The following AGAP1 variants were observed in gnomAD, a reference collection of about 807,000 sequenced individuals.
AGAP1 encodes arf-GAP with GTPase, ANK repeat and PH domain-containing protein 1.
Under a neutral mutation model 105.3 loss-of-function variants are expected in AGAP1, and 29 were observed. The observed-to-expected ratio is 0.28, with a 90% CI of 0.21 to 0.38. The LOEUF (loss-of-function observed/expected upper bound fraction) is 0.38. Among genes scored for constraint, AGAP1 ranks in the 10% least tolerant of loss-of-function variants. The pLI, the probability that AGAP1 is intolerant of heterozygous loss-of-function variation, is 1.00. For missense variants in AGAP1, 998 were observed against 1,165.1 expected, an observed-to-expected ratio of 0.86 and a Z score of 2.09; for synonymous variants, 509 against 485.9, an observed-to-expected ratio of 1.05 and a Z score of -0.63.
intron 1 of AGAP1, among the ~76,000 whole-genome samples, chr2:235,579,668 C>G: frequency 6.6e-6 from 1 of 151,578 alleles, no homozygotes; most frequent in East Asian, 1.9e-4. Context: ...CCCAGCTACT[C>G]GGGAGGCTGA....
At chr2:236,024,500 C>T (rs1022561518) in intron 13 of AGAP1, among the ~76,000 whole-genome samples, 2 of 152,176 alleles carry the variant, frequency 1.3e-5, no homozygotes, top group African/African-American at 4.8e-5. Context: ...GCACCCACTT[C>T]TCCCCCATGC....
intron 1 of AGAP1, among the ~76,000 whole-genome samples, chr2:235,706,826 C>T (rs1950559711): frequency 6.6e-6 from 1 of 152,330 alleles, no homozygotes; most frequent in South Asian, 2.1e-4. Flanking sequence ...TTCAGTTTTC[C>T]CTGGACCATT....
Position 235,983,351 on chromosome 2 carries a change from C to T in AGAP1, c.1645+14728C>T, listed in dbSNP as rs889556791. Reference sequence around the variant, plus strand: ...CCTCCTTTTGTTCAGCTCCTCCTCTCCAGCACCAACCTCCCATCACTTTCT... The same window carrying T: ...CCTCCTTTTGTTCAGCTCCTCCTCTTCAGCACCAACCTCCCATCACTTTCT... On this transcript the variant is annotated intron_variant, in intron 13 of 17. Coordinates refer to ENST00000304032, the MANE Select transcript of AGAP1 (RefSeq NM_001037131.3). The surrounding 1 kb of genome is among the most constrained non-coding windows in gnomAD (Gnocchi z 4.5). Among the ~76,000 whole-genome samples, 8 of 152,220 alleles carry T rather than the reference C, an allele frequency of 5.3e-5. No homozygotes were observed. The highest frequency in any genetic ancestry group is 5.2e-4 in the Admixed American group (8 of 15,286).
In AGAP1 at chr2:235,872,819, G is replaced by A. The variant is rs73996605; in HGVS notation, c.1051-10526G>A. Reference sequence around the variant, plus strand: ...CTGCTGCACATGGGGGATGCTGAGTGTGTTCAGAGGGGCGTCCCATGGTCG... The same window carrying A: ...CTGCTGCACATGGGGGATGCTGAGTATGTTCAGAGGGGCGTCCCATGGTCG... On this transcript the variant is annotated intron_variant, in intron 9 of 17. Transcript: ENST00000304032. The surrounding 1 kb of genome is among the most constrained non-coding windows in gnomAD (Gnocchi z 4.5). Among the ~76,000 whole-genome samples the A allele has an allele frequency of 6.6e-6, 1 of 152,222 alleles. No individual in the cohort carries two copies. Among genetic ancestry groups the A allele is most frequent in the African/African-American group, 2.4e-5 (1 of 41,464 alleles).
chr2:235,974,040 A>G (rs1252573689), intron 13 of AGAP1, among the ~76,000 whole-genome samples: 2 of 152,228 alleles, frequency 1.3e-5, no homozygotes, highest in Admixed American at 6.5e-5. Context: ...CGGTCTCTGC[A>G]GTCCCATTCT....
chr2:235,704,502 C>G (rs1041556822), intron 1 of AGAP1, among the ~76,000 whole-genome samples: 9 of 152,150 alleles, frequency 5.9e-5, no homozygotes, highest in African/African-American at 2.2e-4. Flanking sequence ...AAAAATTACC[C>G]AGATGTGGTG....
At chr2:235,896,789 C>T (rs1326845203) in intron 10 of AGAP1, among the ~76,000 whole-genome samples, 3 of 152,234 alleles carry the variant, frequency 2.0e-5, no homozygotes, top group Non-Finnish European at 4.4e-5. Context: ...GAAATGTTTT[C>T]AGGGCATAGT....
At chr2:235,495,449 C>G (rs1941274564) in intron 1 of AGAP1, among the ~76,000 whole-genome samples, 1 of 152,210 alleles carries the variant, frequency 6.6e-6, no homozygotes, top group Non-Finnish European at 1.5e-5. Flanking sequence ...TTTGTACCAA[C>G]CAAAAGTCCG....
chr2:235,870,245 T>C (rs1235830238), intron 9 of AGAP1, among the ~76,000 whole-genome samples: 1 of 152,218 alleles, frequency 6.6e-6, no homozygotes, highest in Non-Finnish European at 1.5e-5. Context: ...GTTCCTTGCA[T>C]GTGGTCCTCC....
At position 236,034,180 on chromosome 2, in the gene AGAP1, A is replaced by G. The variant is rs1450806287; in HGVS notation, c.1646-2381A>G. On this transcript the variant is annotated intron_variant, in intron 13 of 17. Coordinates refer to ENST00000304032, the MANE Select transcript of AGAP1 (RefSeq NM_001037131.3). ...GTTGTAAATCATAGTACTAGGACTTAAAAGCCCATGGATCAAGAAGCTGGA... is the reference window on the plus strand; with the variant it reads ...GTTGTAAATCATAGTACTAGGACTTGAAAGCCCATGGATCAAGAAGCTGGA... Among the ~76,000 whole-genome samples the G allele has an allele frequency of 2.0e-5, 3 of 152,336 alleles. No individual in the cohort carries two copies. The South Asian group carries it at 6.2e-4, about 32-fold the overall frequency.
intron 1 of AGAP1, among the ~76,000 whole-genome samples, chr2:235,650,059 A>G (rs552564454): frequency 6.6e-6 from 1 of 152,334 alleles, no homozygotes; most frequent in South Asian, 2.1e-4. Context: ...GGAAAATATT[A>G]AAATAAGAAT....
intron 16 of AGAP1, among the ~76,000 whole-genome samples, chr2:236,079,581 C>G (rs902612265): frequency 6.6e-6 from 1 of 151,668 alleles, no homozygotes; most frequent in African/African-American, 2.4e-5. Context: ...TACATACACA[C>G]ACACATATAC....
At chr2:235,671,483 C>T (rs981309999) in intron 1 of AGAP1, among the ~76,000 whole-genome samples, 3 of 152,190 alleles carry the variant, frequency 2.0e-5, no homozygotes, top group African/African-American at 7.2e-5. Context: ...CGGCATTCAT[C>T]CTGGCGCCCC....
chr2:235,595,377 A>T (rs1945492195), intron 1 of AGAP1, among the ~76,000 whole-genome samples: 3 of 152,190 alleles, frequency 2.0e-5, no homozygotes, highest in African/African-American at 4.8e-5. Context: ...GTGGGCACTG[A>T]AATACATTCT....
Position 235,964,921 on chromosome 2 carries a change from T to C in AGAP1, c.1484-3541T>C, listed in dbSNP as rs59020453. Reference sequence around the variant, plus strand: ...AGCAGGCAGTCATGGAGCGGCTTTGTGAAAACAGGCTGAGCTCGAGGTCCC... The same window carrying C: ...AGCAGGCAGTCATGGAGCGGCTTTGCGAAAACAGGCTGAGCTCGAGGTCCC... On this transcript the variant is annotated intron_variant, in intron 12 of 17. Coordinates refer to ENST00000304032, the MANE Select transcript of AGAP1 (RefSeq NM_001037131.3). The surrounding 1 kb of genome is among the most constrained non-coding windows in gnomAD (Gnocchi z 4.6). Among the ~76,000 whole-genome samples the C allele has an allele frequency of 0.027, 4,101 of 152,242 alleles. 176 individuals are homozygous for C. Among genetic ancestry groups the C allele is most frequent in the African/African-American group, 0.094 (3,895 of 41,522 alleles).
At position 235,985,559 on chromosome 2, in the gene AGAP1, C is replaced by T. The variant is rs528656574; in HGVS notation, c.1645+16936C>T. Reference sequence around the variant, plus strand: ...TCCTGAATGGTATTGGCTAGGTTTTCTTCTAGAGTTTTTATGGTTTGGGTT... The same window carrying T: ...TCCTGAATGGTATTGGCTAGGTTTTTTTCTAGAGTTTTTATGGTTTGGGTT... On this transcript the variant is annotated intron_variant, in intron 13 of 17. Coordinates refer to ENST00000304032, the MANE Select transcript of AGAP1 (RefSeq NM_001037131.3). 3.3e-5 allele frequency among the ~76,000 whole-genome samples: 5 copies of T among 152,264 alleles called. No homozygotes were observed. In the East Asian group the frequency reaches 7.7e-4, roughly 24 times the overall value.
rs1172075377 is a variant in AGAP1 at position 235,993,021 on chromosome 2, G to C, written c.1645+24398G>C. 1.3e-5 allele frequency among the ~76,000 whole-genome samples: 2 copies of C among 152,116 alleles called. No individual in the cohort carries two copies. The highest frequency in any genetic ancestry group is 2.9e-5 in the Non-Finnish European group (2 of 68,018). On this transcript the variant is annotated intron_variant, in intron 13 of 17. Coordinates refer to ENST00000304032, the MANE Select transcript of AGAP1 (RefSeq NM_001037131.3). The surrounding 1 kb of genome is among the most constrained non-coding windows in gnomAD (Gnocchi z 5.0). ...ATAGTAGCAAAAGTTATTGTTATAC[G>C]TTACAAAAAACCAGTTTAAGACATG...
At position 235,901,420 on chromosome 2, in the gene AGAP1, G is replaced by A. The variant is rs2051058602; in HGVS notation, c.1156-7318G>A. 6.6e-6 allele frequency among the ~76,000 whole-genome samples: 1 copy of A among 152,092 alleles called. No homozygotes were observed. Among genetic ancestry groups the A allele is most frequent in the Admixed American group, 6.6e-5 (1 of 15,264 alleles). The stretch of plus-strand genomic sequence containing the variant: ...TCATTCTTTTCCTCCAGGAGAAGGA[G>A]GAACAAACAAATGTGAAAACATTTA... On this transcript the variant is annotated intron_variant, in intron 10 of 17. Coordinates refer to ENST00000304032, the MANE Select transcript of AGAP1 (RefSeq NM_001037131.3). This position sits in a 1 kb window ranked among gnomAD's most constrained non-coding sequence, Gnocchi z 4.3.
Position 235,659,442 on chromosome 2 carries a change from G to C in AGAP1, c.164-49737G>C, listed in dbSNP as rs1418835171. Among the ~76,000 whole-genome samples, 1 of 152,204 alleles carries C rather than the reference G, an allele frequency of 6.6e-6. No homozygotes were observed. Among genetic ancestry groups the C allele is most frequent in the Admixed American group, 6.5e-5 (1 of 15,290 alleles). ...GGCGTCAGCTGGGCAGGCTGAGCCT[G>C]TCACCTTTTTCAAAATTTCCAACAA... On this transcript the variant is annotated intron_variant, in intron 1 of 17. Transcript: ENST00000304032. This position sits in a 1 kb window ranked among gnomAD's most constrained non-coding sequence, Gnocchi z 5.0.
Sources: allele counts gnomAD v4.1 joint callset (sites outside exome capture counted in the v4.1 genomes callset), GRCh38; gene constraint gnomAD v4.1.1; non-coding constraint Gnocchi (gnomAD v3.1); transcripts MANE v1.5; gene names NCBI Gene and HGNC (gene_info 2026-07-23, HGNC 2026-07-21).